The following PPFIA2 variants were observed in gnomAD, a reference collection of about 807,000 sequenced individuals.
PPFIA2 encodes the protein liprin-alpha-2.
PPFIA2 carries 46 observed loss-of-function variants against 175.5 expected under a neutral mutation model. The ratio of observed to expected loss-of-function variants is 0.26; its 90% confidence interval spans 0.21 to 0.34. The LOEUF is 0.34. Among genes scored for constraint, PPFIA2 ranks in the 10% least tolerant of loss-of-function variants. The pLI, the probability that PPFIA2 is intolerant of heterozygous loss-of-function variation, is 1.00. For missense variants in PPFIA2, 1,179 were observed against 1,506.1 expected, an observed-to-expected ratio of 0.78 and a Z score of 3.60; for synonymous variants, 568 against 511.4, an observed-to-expected ratio of 1.11 and a Z score of -1.49.
At chr12:81,726,538 C>G (rs1261898447) in intron 3 of PPFIA2, among the ~76,000 whole-genome samples, 1 of 151,190 alleles carries the variant, frequency 6.6e-6, no homozygotes, top group Non-Finnish European at 1.5e-5. Flanking sequence ...TATGCTAGAC[C>G]CTGTATAAGT....
chr12:81,597,838 T>G, intron 4 of PPFIA2: 1 of 1,074,626 alleles, frequency 9.3e-7, no homozygotes. Context: ...ATTCCATACA[T>G]TTTCTTCAAT....
chr12:81,425,186 T>C (rs1413982841), intron 7 of PPFIA2, among the ~76,000 whole-genome samples: 1 of 152,150 alleles, frequency 6.6e-6, no homozygotes, highest in Non-Finnish European at 1.5e-5. Context: ...AACCTCGTAA[T>C]GTGGGGATCC....
chr12:81,274,733 T>C (rs1565853905), intron 28 of PPFIA2, among the ~76,000 whole-genome samples: 1 of 152,228 alleles, frequency 6.6e-6, no homozygotes, highest in Non-Finnish European at 1.5e-5. Flanking sequence ...AGGTCAGGGT[T>C]AATTCACACT....
chr12:81,673,673 T>A (rs1237907107), intron 4 of PPFIA2, among the ~76,000 whole-genome samples: 1 of 152,042 alleles, frequency 6.6e-6, no homozygotes, highest in African/African-American at 2.4e-5. Flanking sequence ...AAGACAGCTT[T>A]AAGTTAATAT....
At chr12:81,514,501 C>T (rs1049540326) in intron 4 of PPFIA2, among the ~76,000 whole-genome samples, 1 of 151,720 alleles carries the variant, frequency 6.6e-6, no homozygotes, top group African/African-American at 2.4e-5. Context: ...TCTAAGAGTG[C>T]TTTTTTTAAA....
chr12:81,600,499 T>C (rs1017676105), intron 4 of PPFIA2, among the ~76,000 whole-genome samples: 1 of 151,940 alleles, frequency 6.6e-6, no homozygotes, highest in Admixed American at 6.6e-5. Context: ...CTCTAATTAT[T>C]ATTGTGAGTA....
intron 4 of PPFIA2, among the ~76,000 whole-genome samples, chr12:81,626,159 T>G (rs1307743676): frequency 1.3e-5 from 2 of 151,728 alleles, no homozygotes; most frequent in Admixed American, 6.6e-5. Context: ...TAACTTTACG[T>G]ATATTTCCTA....
intron 4 of PPFIA2, among the ~76,000 whole-genome samples, chr12:81,490,381 G>A (rs1489177680): frequency 6.6e-6 from 1 of 151,878 alleles, no homozygotes; most frequent in East Asian, 1.9e-4. Flanking sequence ...GGAGAGAAAT[G>A]CATGCAGGCT....
chr12:81,602,027 C>G (rs1315103531), intron 4 of PPFIA2, among the ~76,000 whole-genome samples: 1 of 151,678 alleles, frequency 6.6e-6, no homozygotes, highest in Admixed American at 6.6e-5. Context: ...ATTGTACTAT[C>G]TTTCTATATT....
chr12:81,665,897 A>T (rs1322603569), intron 4 of PPFIA2, among the ~76,000 whole-genome samples: 47 of 151,780 alleles, frequency 3.1e-4, no homozygotes, highest in Admixed American at 1.8e-3. Context: ...GAATCTACAA[A>T]GAACTCAAAC....
intron 10 of PPFIA2, 172 bp downstream of exon 10, chr12:81,375,624 T>C: frequency 1.5e-6 from 1 of 682,754 alleles, no homozygotes; most frequent in Non-Finnish European, 2.5e-6. Context: ...AATTTATCTT[T>C]CTGGAAAGTA....
intron 4 of PPFIA2, among the ~76,000 whole-genome samples, chr12:81,598,962 G>A (rs1448107426): frequency 6.6e-6 from 1 of 151,616 alleles, no homozygotes; most frequent in East Asian, 1.9e-4. Flanking sequence ...ATACACACAA[G>A]AATTAATAAA....
At chr12:81,471,619 T>C (rs1170885050) in intron 4 of PPFIA2, among the ~76,000 whole-genome samples, 2 of 152,078 alleles carry the variant, frequency 1.3e-5, no homozygotes, top group Non-Finnish European at 2.9e-5. Flanking sequence ...GGTGCAGATG[T>C]TTCTTCAAGA....
intron 4 of PPFIA2, among the ~76,000 whole-genome samples, chr12:81,628,945 T>C (rs1028627569): frequency 6.6e-6 from 1 of 151,866 alleles, no homozygotes; most frequent in African/African-American, 2.4e-5. Flanking sequence ...TACTCAGGAG[T>C]GGCCCAGAGC....
chr12:81,381,837 G>A (rs955330611), intron 9 of PPFIA2, among the ~76,000 whole-genome samples: 33 of 151,730 alleles, frequency 2.2e-4, no homozygotes, highest in African/African-American at 7.0e-4. Context: ...AGGCATTGTC[G>A]TAGTACATAT....
At chr12:81,320,458 G>A (rs2139570608) in intron 22 of PPFIA2, among the ~76,000 whole-genome samples, 1 of 152,098 alleles carries the variant, frequency 6.6e-6, no homozygotes, top group East Asian at 1.9e-4. Flanking sequence ...GTTCACATAT[G>A]AAATCTATTT....
intron 4 of PPFIA2, among the ~76,000 whole-genome samples, chr12:81,574,884 A>G (rs1434057911): frequency 2.0e-5 from 3 of 151,760 alleles, no homozygotes; most frequent in Non-Finnish European, 4.4e-5. Context: ...GATAACATGT[A>G]ACCAAAAAGA....
chr12:81,317,879 ACT>A (rs2052762132), intron 22 of PPFIA2, among the ~76,000 whole-genome samples: 1 of 151,574 alleles, frequency 6.6e-6, no homozygotes, highest in African/African-American at 2.4e-5. Flanking sequence ...GGTAGTTCAA[ACT>A]CTCAGCCAAA....
intron 22 of PPFIA2, among the ~76,000 whole-genome samples, chr12:81,318,205 A>G (rs897051008): frequency 2.6e-5 from 4 of 151,638 alleles, no homozygotes; most frequent in African/African-American, 9.7e-5. Flanking sequence ...GTGTCATCTC[A>G]CTAGTATGGT....
Sources: gnomAD v4.1 joint callset for allele counts (sites outside exome capture counted in the v4.1 genomes callset) on GRCh38, gnomAD v4.1.1 for gene constraint, MANE v1.5 for transcripts, NCBI Gene and HGNC (gene_info 2026-07-23, HGNC 2026-07-21) for gene names.